Variants in SPIDR observed in about 807,000 individuals in gnomAD.
The protein encoded by SPIDR is scaffold protein involved in DNA repair, also known as DNA repair-scaffolding protein.
SPIDR carries 93 observed loss-of-function variants against 104.6 expected under a neutral mutation model. The ratio of observed to expected loss-of-function variants is 0.89; its 90% confidence interval spans 0.75 to 1.06. The LOEUF is 1.06. Among genes scored for constraint, SPIDR ranks in the 50% least tolerant of loss-of-function variants. The probability of loss-of-function intolerance (pLI) is 0.00; values close to 1 mark genes in which losing one functional copy is unlikely to be tolerated. For synonymous variants in SPIDR, 431 were observed against 416.9 expected (o/e 1.03, Z -0.41); for missense variants, 1,154 against 1,111.2 (o/e 1.04, Z -0.55).
intron 8 of SPIDR, chr8:47,546,880 A>G: frequency 7.2e-6 from 3 of 415,546 alleles, no homozygotes; most frequent in Non-Finnish European, 1.4e-5. Flanking sequence ...TCCTCAGGGA[A>G]GAGAAATTAA....
chr8:47,396,432 G>C lies in SPIDR; in HGVS notation c.582G>C (p.Leu194Phe), dbSNP rs782663481. Residue 194 changes from leucine (L) to phenylalanine (F), a missense_variant, in exon 6 of 20, where the codon TTG (leucine) becomes TTC (phenylalanine). By Grantham distance (22) the Leu-to-Phe change is conservative. Transcript: ENST00000297423. ...YSSDSEKEDD[L>F]ENVLLIDSES... ...CAGATAGTGAAAAAGAAGATGATTT[G>C]GAAAATGTCCTACTCATTGATTCAG... 6.2e-7 allele frequency: 1 copy of C among 1,613,480 alleles called. No individual in the cohort carries two copies.
intron 8 of SPIDR, chr8:47,548,020 T>G (rs934575294): frequency 3.9e-5 from 6 of 152,630 alleles, no homozygotes; most frequent in African/African-American, 1.2e-4. Context: ...AATTTTGATA[T>G]GTAATCTTTT....
At chr8:47,654,613 A>G (rs2072358179) in intron 10 of SPIDR, among the ~76,000 whole-genome samples, 2 of 152,232 alleles carry the variant, frequency 1.3e-5, no homozygotes, top group Non-Finnish European at 1.5e-5. Context: ...CACTTTGCCA[A>G]TGATAAACTA....
At chr8:47,270,673 T>G (rs2035123424) in intron 1 of SPIDR, among the ~76,000 whole-genome samples, 1 of 152,124 alleles carries the variant, frequency 6.6e-6, no homozygotes, top group Non-Finnish European at 1.5e-5. Flanking sequence ...TGACTAAAGA[T>G]TTTTCTTCTT....
chr8:47,565,008 A>G (rs370323458), intron 8 of SPIDR, among the ~76,000 whole-genome samples: 19 of 152,298 alleles, frequency 1.2e-4, no homozygotes, highest in African/African-American at 4.6e-4. Flanking sequence ...GCACTTTGGG[A>G]GGCTGAGGCG....
intron 14 of SPIDR, among the ~76,000 whole-genome samples, chr8:47,703,007 G>A (rs1589347510): frequency 6.6e-6 from 1 of 152,206 alleles, no homozygotes; most frequent in East Asian, 1.9e-4. Flanking sequence ...ACAGTGGTGG[G>A]GGTGGCACCA....
At chr8:47,280,044 C>A in intron 2 of SPIDR, 27 bp downstream of exon 2, 1 of 1,603,476 alleles carries the variant, frequency 6.2e-7, no homozygotes, top group Non-Finnish European at 8.5e-7. Context: ...ATTGTTTTCC[C>A]TGAATGCCAA....
chr8:47,538,674 A>G (rs1438293309), intron 8 of SPIDR, among the ~76,000 whole-genome samples: 1 of 152,136 alleles, frequency 6.6e-6, no homozygotes, highest in Admixed American at 6.6e-5. Flanking sequence ...TTTTGCCTCT[A>G]TAAATTTGAT....
intron 8 of SPIDR, among the ~76,000 whole-genome samples, chr8:47,506,279 A>C (rs2081467544): frequency 6.6e-6 from 1 of 151,942 alleles, no homozygotes; most frequent in African/African-American, 2.4e-5. Flanking sequence ...GTCAACATAA[A>C]CCCCCCTTAC....
intron 8 of SPIDR, among the ~76,000 whole-genome samples, chr8:47,591,953 C>T (rs1034904991): frequency 6.6e-6 from 1 of 152,172 alleles, no homozygotes; most frequent in African/African-American, 2.4e-5. Context: ...CTAGCTTCTG[C>T]TCATGCTTTA....
At chr8:47,627,911 C>T (rs959200023) in intron 10 of SPIDR, among the ~76,000 whole-genome samples, 2 of 152,220 alleles carry the variant, frequency 1.3e-5, no homozygotes, top group African/African-American at 4.8e-5. Context: ...AACTGGTTAA[C>T]ATTAGCCTGG....
chr8:47,285,405 T>C (rs1457275442), intron 3 of SPIDR, among the ~76,000 whole-genome samples: 1 of 152,220 alleles, frequency 6.6e-6, no homozygotes, highest in East Asian at 1.9e-4. Flanking sequence ...TTGCAGAAGC[T>C]GTTGGCAGAG....
chr8:47,539,910 G>A (rs2087768827), intron 8 of SPIDR, among the ~76,000 whole-genome samples: 1 of 152,086 alleles, frequency 6.6e-6, no homozygotes, highest in Non-Finnish European at 1.5e-5. Context: ...ATTATGGATT[G>A]GACTGGCTTC....
intron 8 of SPIDR, among the ~76,000 whole-genome samples, chr8:47,578,267 T>C (rs541284006): frequency 2.0e-5 from 3 of 152,126 alleles, no homozygotes; most frequent in East Asian, 3.9e-4. Flanking sequence ...GGTCAGGAGA[T>C]TGAGATCATC....
At chr8:47,600,004 C>T (rs556331545) in intron 10 of SPIDR, among the ~76,000 whole-genome samples, 3 of 152,220 alleles carry the variant, frequency 2.0e-5, no homozygotes, top group Non-Finnish European at 2.9e-5. Flanking sequence ...GTGATCCACC[C>T]GCCTCGGCCT....
At chr8:47,487,289 C>A (rs1043115084) in intron 8 of SPIDR, among the ~76,000 whole-genome samples, 1 of 152,134 alleles carries the variant, frequency 6.6e-6, no homozygotes, top group Non-Finnish European at 1.5e-5. Flanking sequence ...GGGATCAATT[C>A]AACAAGAAGA....
intron 5 of SPIDR, among the ~76,000 whole-genome samples, chr8:47,354,312 T>G (rs1156412348): frequency 3.3e-5 from 5 of 151,756 alleles, no homozygotes; most frequent in Non-Finnish European, 5.9e-5. Flanking sequence ...TCATAGTTCT[T>G]CCTCAGTTTC....
chr8:47,665,371 A>G (rs1305400390), intron 10 of SPIDR, among the ~76,000 whole-genome samples: 2 of 152,198 alleles, frequency 1.3e-5, no homozygotes, highest in Non-Finnish European at 2.9e-5. Context: ...GGTCAGTAGG[A>G]TTGAACACTA....
intron 8 of SPIDR, among the ~76,000 whole-genome samples, chr8:47,444,142 A>C (rs1447855366): frequency 4.6e-5 from 7 of 152,224 alleles, no homozygotes; most frequent in African/African-American, 1.7e-4. Context: ...AGCTTTTACT[A>C]CTCAAGCAAA....
Sources: allele counts gnomAD v4.1 joint callset (sites outside exome capture counted in the v4.1 genomes callset), GRCh38; gene constraint gnomAD v4.1.1; transcripts MANE v1.5; gene names NCBI Gene and HGNC (gene_info 2026-07-23, HGNC 2026-07-21).